ZBBX: variants seen among roughly 807,000 people sequenced by gnomAD.
The protein encoded by ZBBX is zinc finger B-box domain containing.
ZBBX carries 101 observed loss-of-function variants against 108.5 expected under a neutral mutation model. That is an observed-to-expected ratio of 0.93 (90% CI 0.79 to 1.10). ZBBX has a LOEUF of 1.10. Among genes scored for constraint, ZBBX ranks in the 50% least tolerant of loss-of-function variants. The pLI, the probability that ZBBX is intolerant of heterozygous loss-of-function variation, is 0.00. For missense variants in ZBBX, 1,009 were observed against 941.4 expected, an observed-to-expected ratio of 1.07 and a Z score of -0.94; for synonymous variants, 356 against 323.4, an observed-to-expected ratio of 1.10 and a Z score of -1.08.
chr3:167,303,944 G>A (rs1156886645), intron 17 of ZBBX, among the ~76,000 whole-genome samples: 1 of 152,012 alleles, frequency 6.6e-6, no homozygotes. Context: ...TGCAATACAA[G>A]CAATTTTTTA....
chr3:167,309,693 C>T (rs921481671), intron 16 of ZBBX, among the ~76,000 whole-genome samples: 1 of 152,208 alleles, frequency 6.6e-6, no homozygotes, highest in African/African-American at 2.4e-5. Context: ...GGCCCTGAGC[C>T]TGGCCCATGA....
intron 12 of ZBBX, among the ~76,000 whole-genome samples, chr3:167,319,456 T>C (rs1183899929): frequency 6.6e-6 from 1 of 152,032 alleles, no homozygotes; most frequent in Non-Finnish European, 1.5e-5. Context: ...CACATGACTT[T>C]ATGCATTGCT....
intron 8 of ZBBX, among the ~76,000 whole-genome samples, chr3:167,354,040 C>G (rs1743116548): frequency 1.3e-5 from 2 of 151,974 alleles, no homozygotes; most frequent in Non-Finnish European, 2.9e-5. Context: ...AAATAACCTA[C>G]TAAGCATCAT....
the ZBBX span, among the ~76,000 whole-genome samples, chr3:167,226,626 T>C: frequency 4.0e-5 from 6 of 151,790 alleles, no homozygotes; most frequent in African/African-American, 1.4e-4. Flanking sequence ...AGCTCAATCT[T>C]GGCCATGAAT....
At chr3:167,214,154 G>A in the ZBBX span, among the ~76,000 whole-genome samples, 1 of 151,818 alleles carries the variant, frequency 6.6e-6, no homozygotes, top group Admixed American at 6.6e-5. Flanking sequence ...CCAGCTAAGG[G>A]CACAATGACA....
intron 20 of ZBBX, among the ~76,000 whole-genome samples, chr3:167,273,324 C>T (rs1214606955): frequency 6.6e-6 from 1 of 152,154 alleles, no homozygotes; most frequent in Non-Finnish European, 1.5e-5. Flanking sequence ...TGGCCAGAGG[C>T]CCAGATCATC....
intron 20 of ZBBX, among the ~76,000 whole-genome samples, chr3:167,254,688 A>T (rs1179613675): frequency 6.6e-6 from 1 of 152,164 alleles, no homozygotes; most frequent in Non-Finnish European, 1.5e-5. Context: ...AGCAATTCAA[A>T]GATATAAAAA....
chr3:167,386,629 T>G (rs919695808), intron 1 of ZBBX, among the ~76,000 whole-genome samples: 1 of 152,076 alleles, frequency 6.6e-6, no homozygotes, highest in Non-Finnish European at 1.5e-5. Flanking sequence ...TGCTTTAAGT[T>G]TAGCTGTGCC....
At chr3:167,376,340 C>T (rs978681727) in intron 2 of ZBBX, among the ~76,000 whole-genome samples, 20 of 152,252 alleles carry the variant, frequency 1.3e-4, no homozygotes, top group African/African-American at 4.1e-4. Flanking sequence ...TGCTCCATAA[C>T]ATGGAATCTG....
At chr3:167,284,186 C>CTATATATA (rs772993912) in intron 19 of ZBBX, among the ~76,000 whole-genome samples, 4 of 121,010 alleles carry the variant, frequency 3.3e-5, no homozygotes, top group African/African-American at 1.0e-4. Context: ...AAACATATAT[C>CTATATATA]TATATCTATA....
chr3:167,400,439 C>A (rs1013974435), intron 1 of ZBBX, among the ~76,000 whole-genome samples: 1 of 152,110 alleles, frequency 6.6e-6, no homozygotes. Flanking sequence ...TTTTGATTTA[C>A]ATTTCGCTGA....
chr3:167,315,659 C>T, intron 15 of ZBBX, 91 bp downstream of exon 15: 6 of 892,784 alleles, frequency 6.7e-6, no homozygotes, highest in South Asian at 1.7e-5. Flanking sequence ...TTTTTCACAC[C>T]ACATATTTCA....
intron 20 of ZBBX, among the ~76,000 whole-genome samples, chr3:167,257,010 T>C (rs947439980): frequency 6.6e-6 from 1 of 152,142 alleles, no homozygotes; most frequent in Non-Finnish European, 1.5e-5. Flanking sequence ...TAATGGGTCG[T>C]ATTGTAGCTC....
intron 20 of ZBBX, among the ~76,000 whole-genome samples, chr3:167,273,204 C>T (rs1213237417): frequency 1.3e-5 from 2 of 152,232 alleles, no homozygotes. Flanking sequence ...TGGTCTAAGG[C>T]AAACTTTAGA....
chr3:167,254,887 TGAGA>T (rs1553782902), intron 20 of ZBBX, among the ~76,000 whole-genome samples: 1 of 141,272 alleles, frequency 7.1e-6, no homozygotes, highest in Admixed American at 7.1e-5. Flanking sequence ...TGTGTGTGTG[TGAGA>T]GAGAGAGAGA....
In ZBBX at chr3:167,363,505, C is replaced by T. The variant is rs539991314; in HGVS notation, c.273+2381G>A. The stretch of plus-strand genomic sequence containing the variant: ...CTGTTTTTTCTTCCACCTTTCTTGT[C>T]TCACACACACACAAAAAATATGTCT... On this transcript the variant is annotated intron_variant, in intron 6 of 21. Coordinates refer to ENST00000675490, the MANE Select transcript of ZBBX (RefSeq NM_001199201.2). 2.6e-5 allele frequency among the ~76,000 whole-genome samples: 4 copies of T among 152,126 alleles called. No homozygotes were observed. In the South Asian group the frequency reaches 8.3e-4, roughly 32 times the overall value.
At chr3:167,188,262 T>C in the ZBBX span, among the ~76,000 whole-genome samples, 1 of 152,158 alleles carries the variant, frequency 6.6e-6, no homozygotes, top group South Asian at 2.1e-4. Context: ...TCATTGAGTA[T>C]CTACTGCTTC....
At chr3:167,357,927 C>CA (rs1428940598) in intron 8 of ZBBX, among the ~76,000 whole-genome samples, 3 of 151,894 alleles carry the variant, frequency 2.0e-5, no homozygotes, top group African/African-American at 2.4e-5. Context: ...ATTGCAAGAA[C>CA]AAAAAACCAA....
chr3:167,404,694 G>A (rs943921409), intron 1 of ZBBX, among the ~76,000 whole-genome samples: 8 of 152,106 alleles, frequency 5.3e-5, no homozygotes, highest in African/African-American at 1.9e-4. Context: ...CTGGCTTGTT[G>A]GAAAATTGGA....
Sources: gnomAD v4.1 joint callset for allele counts (sites outside exome capture counted in the v4.1 genomes callset) on GRCh38, gnomAD v4.1.1 for gene constraint, MANE v1.5 for transcripts, NCBI Gene and HGNC (gene_info 2026-07-23, HGNC 2026-07-21) for gene names.